Variants in PRDM16 observed in about 807,000 individuals in gnomAD.
The protein encoded by PRDM16 is PR/SET domain 16.
PRDM16 carries 23 observed loss-of-function variants against 110.6 expected under a neutral mutation model. The observed-to-expected ratio is 0.21, with a 90% CI of 0.15 to 0.29. PRDM16 has a LOEUF of 0.29. Among genes scored for constraint, PRDM16 ranks in the 10% least tolerant of loss-of-function variants. PRDM16 has a pLI of 1.00. For synonymous variants in PRDM16, 799 were observed against 781.8 expected (o/e 1.02, Z -0.37); for missense variants, 1,615 against 1,794.3 (o/e 0.90, Z 1.81).
At chr1:3,116,492 G>A (rs1203768060) in intron 1 of PRDM16, among the ~76,000 whole-genome samples, 4 of 152,096 alleles carry the variant, frequency 2.6e-5, no homozygotes, top group Non-Finnish European at 5.9e-5. Flanking sequence ...TTCCCAAGCC[G>A]CAGGTCCTGG....
intron 3 of PRDM16, among the ~76,000 whole-genome samples, chr1:3,333,078 C>T (rs1642076487): frequency 6.6e-6 from 1 of 152,194 alleles, no homozygotes; most frequent in Non-Finnish European, 1.5e-5. Context: ...ACACTGCTTT[C>T]AGCTCTCTTG....
intron 2 of PRDM16, among the ~76,000 whole-genome samples, chr1:3,203,952 C>T (rs1371642063): frequency 2.0e-5 from 3 of 152,174 alleles, no homozygotes; most frequent in South Asian, 2.1e-4. Context: ...CTGGTCCCCA[C>T]GTCCCTGAAG....
chr1:3,204,209 GC>G (rs1638696782), intron 2 of PRDM16, among the ~76,000 whole-genome samples: 1 of 152,180 alleles, frequency 6.6e-6, no homozygotes. Flanking sequence ...AGCAGACTTG[GC>G]CGCTCACAGA....
At chr1:3,211,551 C>G (rs1557531677) in intron 2 of PRDM16, among the ~76,000 whole-genome samples, 3 of 152,242 alleles carry the variant, frequency 2.0e-5, no homozygotes, top group African/African-American at 7.2e-5. Context: ...TTGGGTCCAG[C>G]TCCCTCTGCT....
intron 3 of PRDM16, among the ~76,000 whole-genome samples, chr1:3,297,895 GCAGGGGCCAGACTGCATGGCAAGCTCCA>G (rs1351460698): frequency 7.5e-4 from 113 of 150,796 alleles, no homozygotes; most frequent in African/African-American, 2.6e-3. Flanking sequence ...GGCAAGCTCC[GCAGGGGCCAGACTGCATGGCAAGCTCCA>G]CAGGGGCCAG....
At chr1:3,327,425 G>C (rs1030021333) in intron 3 of PRDM16, among the ~76,000 whole-genome samples, 1 of 151,610 alleles carries the variant, frequency 6.6e-6, no homozygotes, top group African/African-American at 2.4e-5. Flanking sequence ...CTCAGCCCCC[G>C]CCCTGCCCTC....
In PRDM16 at chr1:3,435,744, GCT is replaced by G. The variant is rs1486836547; in HGVS notation, c.*1935_*1936del. ...AGCGGTGACGGGAGGTGTCCTGGCTGCTCCAGGACAAAAGACAATCGTCTCTG... is the reference window on the plus strand; with the variant it reads ...AGCGGTGACGGGAGGTGTCCTGGCTGCCAGGACAAAAGACAATCGTCTCTG... On this transcript the variant is annotated 3_prime_UTR_variant, in exon 17 of 17. Transcript: ENST00000270722. 1.3e-5 allele frequency: 3 copies of G among 232,590 alleles called. No individual in the cohort carries two copies. Among genetic ancestry groups the G allele is most frequent in the East Asian group, 1.2e-4 (2 of 16,506 alleles). 14.4% of individuals were successfully genotyped at this position (232,590 alleles called of 1,614,324 possible).
intron 12 of PRDM16, among the ~76,000 whole-genome samples, chr1:3,422,181 G>A (rs976767915): frequency 2.0e-5 from 3 of 149,590 alleles, no homozygotes; most frequent in African/African-American, 7.4e-5. Flanking sequence ...AAGGCAGATA[G>A]ATAGATAGGT....
chr1:3,151,141 C>A (rs9729248), intron 1 of PRDM16, among the ~76,000 whole-genome samples: 12,307 of 152,206 alleles, frequency 0.081, 750 homozygotes, highest in East Asian at 0.19. Context: ...GCTTAGCTTC[C>A]CAGTTGCCTT....
At chr1:3,085,907 G>A (rs983089971) in intron 1 of PRDM16, among the ~76,000 whole-genome samples, 9 of 152,356 alleles carry the variant, frequency 5.9e-5, no homozygotes, top group Admixed American at 5.9e-4. Context: ...CCAGCAGGGC[G>A]CCCAGCCCTG....
chr1:3,091,722 G>T (rs1012773550), intron 1 of PRDM16, among the ~76,000 whole-genome samples: 3 of 152,176 alleles, frequency 2.0e-5, no homozygotes, highest in Non-Finnish European at 2.9e-5. Flanking sequence ...CTGCGGGGAG[G>T]GGATGGAGCT....
chr1:3,263,740 A>G (rs1308531801), intron 3 of PRDM16, among the ~76,000 whole-genome samples: 1 of 152,216 alleles, frequency 6.6e-6, no homozygotes, highest in East Asian at 1.9e-4. Flanking sequence ...GGACGGCAAG[A>G]TGGATACCAA....
chr1:3,275,691 G>A (rs905745822), intron 3 of PRDM16, among the ~76,000 whole-genome samples: 10 of 152,128 alleles, frequency 6.6e-5, no homozygotes, highest in African/African-American at 1.7e-4. Flanking sequence ...AGGAGAGACC[G>A]GGCAGGGCTC....
Position 3,069,357 on chromosome 1 carries a change from C to CCG in PRDM16, c.37+62_37+63insGC. 4 of 877,616 alleles carry CCG rather than the reference C, an allele frequency of 4.6e-6. No homozygotes were observed. In the African/African-American group the frequency reaches 7.5e-5, roughly 16 times the overall value. 54.4% of individuals were successfully genotyped at this position (877,616 alleles called of 1,614,324 possible). A position where few individuals can be genotyped will look rare whatever the true frequency, so the allele number is the denominator to read the frequency against. The stretch of plus-strand genomic sequence containing the variant: ...GGGCCCGGGCCGCCGGGCCGGGGCG[C>CCG]CCGGGCCAGGGGTGCGCGTCGGGGC... On this transcript the variant is annotated intron_variant, in intron 1 of 16. Coordinates refer to ENST00000270722, the MANE Select transcript of PRDM16 (RefSeq NM_022114.4). The surrounding 1 kb of genome is among the most constrained non-coding windows in gnomAD (Gnocchi z 6.1).
At position 3,244,234 on chromosome 1, in the gene PRDM16, T is replaced by C. The variant is rs372440664; in HGVS notation, c.438+97T>C. ...CCAGCTGTCCCTGAGCTAACAAGCGTGTAGTCGGAATGTTGCTGGCAGGCC... is the reference window on the plus strand; with the variant it reads ...CCAGCTGTCCCTGAGCTAACAAGCGCGTAGTCGGAATGTTGCTGGCAGGCC... On this transcript the variant is annotated intron_variant, in intron 3 of 16. Coordinates refer to ENST00000270722, the MANE Select transcript of PRDM16 (RefSeq NM_022114.4). The surrounding 1 kb of genome is among the most constrained non-coding windows in gnomAD (Gnocchi z 4.1). 3.5e-4 allele frequency: 399 copies of C among 1,147,614 alleles called. 6 individuals carry two copies. In the South Asian group the frequency reaches 4.5e-3, roughly 13 times the overall value. The allele number at this position is 1,147,614 out of a possible 1,614,324, so 71.1% of individuals were successfully genotyped here.
At chr1:3,424,110 C>T (rs950564338) in intron 12 of PRDM16, among the ~76,000 whole-genome samples, 5 of 152,196 alleles carry the variant, frequency 3.3e-5, no homozygotes, top group Non-Finnish European at 7.3e-5. Flanking sequence ...CCCAGCCCCC[C>T]GCCGGATGCC....
chr1:3,365,808 G>A (rs543612845), intron 3 of PRDM16, among the ~76,000 whole-genome samples: 2 of 152,354 alleles, frequency 1.3e-5, no homozygotes, highest in South Asian at 2.1e-4. Flanking sequence ...GTTTGGAGGA[G>A]GTTGGGGTGG....
chr1:3,150,898 A>AT lies in PRDM16; in HGVS notation c.38-35227_38-35226insT, dbSNP rs1445868306. On this transcript the variant is annotated intron_variant, in intron 1 of 16. Coordinates refer to ENST00000270722, the MANE Select transcript of PRDM16 (RefSeq NM_022114.4). ...GGGGGCTGGTCCTAGAGCTATGGAA[A>AT]CGGGGGGGCTGGTCCTAGAGCTATG... Among the ~76,000 whole-genome samples, 433 of 107,582 alleles carry AT rather than the reference A, an allele frequency of 4.0e-3. 6 individuals carry two copies. Among genetic ancestry groups the AT allele is most frequent in the African/African-American group, 0.015 (396 of 25,970 alleles). 70.6% of individuals were successfully genotyped at this position (107,582 alleles called of 152,430 possible).
chr1:3,287,670 C>G (rs1299371911), intron 3 of PRDM16, among the ~76,000 whole-genome samples: 2 of 95,908 alleles, frequency 2.1e-5, no homozygotes, highest in African/African-American at 1.4e-4. Context: ...CGTGGGCATC[C>G]AGGATTGCAT....
Sources: gnomAD v4.1 joint callset for allele counts (sites outside exome capture counted in the v4.1 genomes callset) on GRCh38, gnomAD v4.1.1 for gene constraint, Gnocchi (gnomAD v3.1) non-coding constraint, MANE v1.5 for transcripts, NCBI Gene and HGNC (gene_info 2026-07-23, HGNC 2026-07-21) for gene names.